PCNX1: variants seen among roughly 807,000 people sequenced by gnomAD.
PCNX1 encodes the protein pecanex 1, also known as pecanex-like protein 1.
PCNX1 carries 78 observed loss-of-function variants against 242.2 expected under a neutral mutation model. That is an observed-to-expected ratio of 0.32 (90% CI 0.27 to 0.39). The LOEUF is 0.39. Among genes scored for constraint, PCNX1 ranks in the 10% least tolerant of loss-of-function variants. The pLI is 1.00. For missense variants in PCNX1, 2,581 were observed against 2,856.5 expected (o/e 0.90, Z 2.20); for synonymous variants, 1,024 against 1,032.9 (o/e 0.99, Z 0.17).
At chr14:71,095,860 G>A (rs1429173614) in intron 30 of PCNX1, among the ~76,000 whole-genome samples, 1 of 152,064 alleles carries the variant, frequency 6.6e-6, no homozygotes, top group African/African-American at 2.4e-5. Flanking sequence ...ATAATTTCCA[G>A]CTTTTTGTTC....
intron 32 of PCNX1, 140 bp from the exon 33 acceptor site, chr14:71,105,095 C>A: frequency 3.1e-6 from 2 of 648,806 alleles, no homozygotes; most frequent in Non-Finnish European, 5.4e-6. Flanking sequence ...TTTTTTTGTT[C>A]CTAATATTGA....
intron 1 of PCNX1, among the ~76,000 whole-genome samples, chr14:70,940,857 C>T (rs2057211027): frequency 1.3e-5 from 2 of 152,168 alleles, no homozygotes; most frequent in African/African-American, 4.8e-5. Context: ...AACTTCTCTT[C>T]TCACTTCATT....
chr14:71,091,453 G>A (rs547025338), intron 30 of PCNX1, among the ~76,000 whole-genome samples: 1 of 152,288 alleles, frequency 6.6e-6, no homozygotes, highest in East Asian at 1.9e-4. Flanking sequence ...AACAACACAG[G>A]TTTGAACTGC....
At chr14:70,999,813 C>A (rs1161194535) in intron 8 of PCNX1, among the ~76,000 whole-genome samples, 1 of 152,052 alleles carries the variant, frequency 6.6e-6, no homozygotes, top group Non-Finnish European at 1.5e-5. Context: ...CTCAGGTGAT[C>A]AACAGTACTT....
intron 2 of PCNX1, among the ~76,000 whole-genome samples, chr14:70,953,887 C>G (rs1303704452): frequency 6.6e-6 from 1 of 151,938 alleles, no homozygotes; most frequent in East Asian, 1.9e-4. Context: ...AGGCTGGTCT[C>G]AAACTCCTGA....
Position 71,047,968 on chromosome 14 carries a change from C to T in PCNX1, c.4322C>T (p.Ser1441Phe). 6.2e-7 allele frequency: 1 copy of T among 1,610,554 alleles called. No individual in the cohort carries two copies. The highest frequency in any genetic ancestry group is 8.5e-7 in the Non-Finnish European group (1 of 1,177,768). ...ETMLLDLFFM[S>F]ILFNKLWELL... ...ATGCTGTTGGATCTCTTCTTTATGT[C>T]CATACTCTTCAACAAGGTAATTTAT... The change falls in exon 22 of 36, where the codon TCC becomes TTC. Residue 1441 changes from serine to phenylalanine, a missense_variant. By Grantham distance (155) the Ser-to-Phe change is radical. Around this residue, in one of 9 missense-constraint regions of PCNX1, gnomAD observed 432 missense variants for 443.1 expected, o/e 0.97. Coordinates refer to ENST00000304743, the MANE Select transcript of PCNX1 (RefSeq NM_014982.3).
Position 71,113,319 on chromosome 14 carries a change from C to G in PCNX1, c.*3384C>G, listed in dbSNP as rs1485867180. On this transcript the variant is annotated 3_prime_UTR_variant, in exon 36 of 36. Coordinates refer to ENST00000304743, the MANE Select transcript of PCNX1 (RefSeq NM_014982.3). ...TTATAATTCTTAAAACAGAAGTAGT[C>G]AGACAATATTTGTATCCTAAGTGAG... The G allele has an allele frequency of 6.6e-6, 1 of 152,524 alleles. No individual in the cohort carries two copies. Among genetic ancestry groups the G allele is most frequent in the African/African-American group, 2.4e-5 (1 of 41,434 alleles). The allele number at this position is 152,524 out of a possible 1,614,324, so 9.4% of individuals were successfully genotyped here.
At chr14:71,051,842 G>A (rs2061045272) in intron 23 of PCNX1, 41 bp from the exon 24 acceptor site, 3 of 1,599,974 alleles carry the variant, frequency 1.9e-6, no homozygotes, top group Non-Finnish European at 2.6e-6. Context: ...TGGCATCTGT[G>A]CTCAGATGAA....
intron 5 of PCNX1, among the ~76,000 whole-genome samples, 173 bp from the exon 6 acceptor site, chr14:70,976,769 G>A (rs1008081429): frequency 1.3e-5 from 2 of 152,178 alleles, no homozygotes; most frequent in African/African-American, 4.8e-5. Flanking sequence ...TTCATTTCGT[G>A]AGTAGAATGC....
chr14:70,953,664 CTTTT>C (rs33967128), intron 2 of PCNX1, among the ~76,000 whole-genome samples: 7 of 114,914 alleles, frequency 6.1e-5, no homozygotes, highest in Admixed American at 1.8e-4. Context: ...TTTTTTCTTT[CTTTT>C]TTTTTTTTTT....
At position 71,009,721 on chromosome 14, in the gene PCNX1, T is replaced by C; in HGVS notation, c.2717T>C (p.Ile906Thr). 6.3e-7 allele frequency: 1 copy of C among 1,578,802 alleles called. No homozygotes were observed. Among genetic ancestry groups the C allele is most frequent in the Non-Finnish European group, 8.7e-7 (1 of 1,150,648 alleles). ...CCAGCAGCAAGAAGAGCATCCAATA[T>C]CTGGTATGTGTGAAGTCATATTAGG... ...FEPAARRASN[I>T]CDTDSHVSSS... is the part of the protein sequence containing the mutation. The change falls in exon 9 of 36, where the codon ATC becomes ACC. Residue 906 changes from isoleucine (I) to threonine (T), a missense_variant. Around this residue, in one of 9 missense-constraint regions of PCNX1, gnomAD observed 1,204 missense variants for 1,216.7 expected, o/e 0.99. Coordinates refer to ENST00000304743, the MANE Select transcript of PCNX1 (RefSeq NM_014982.3).
rs1326794162 is a variant in PCNX1 at position 71,036,130 on chromosome 14, T to C, written c.3840T>C (p.His1280=). 2.2e-5 allele frequency: 35 copies of C among 1,604,616 alleles called. No individual in the cohort carries two copies. The highest frequency in any genetic ancestry group is 2.6e-5 in the Non-Finnish European group (30 of 1,171,266). Residue 1280 remains histidine, a synonymous_variant, in exon 19 of 36, where the codon CAT becomes CAC. Transcript: ENST00000304743. ...IVIGVLYFAI[H]VSTVFTVLQP... is the part of the protein sequence containing the mutation. ...TTGGTGTGCTGTATTTTGCTATTCA[T>C]GTAAGCACAGTCTTCACAGTATTGC... is the stretch of plus-strand genomic sequence containing the variant.
At chr14:71,073,434 C>T in intron 26 of PCNX1, 111 bp from the exon 27 acceptor site, 2 of 1,041,146 alleles carry the variant, frequency 1.9e-6, no homozygotes, top group Non-Finnish European at 2.8e-6. Flanking sequence ...CCATCACATA[C>T]TTTCAATTGC....
At chr14:71,068,608 G>A (rs1383840777) in intron 26 of PCNX1, among the ~76,000 whole-genome samples, 1 of 144,594 alleles carries the variant, frequency 6.9e-6, no homozygotes, top group East Asian at 2.0e-4. Flanking sequence ...GTGTGTGTGT[G>A]TGTGTGTGTG....
chr14:71,108,594 C>A lies in PCNX1; in HGVS notation c.6302-10C>A. The A allele has an allele frequency of 1.3e-6, 2 of 1,589,482 alleles. No homozygotes were observed. The highest frequency in any genetic ancestry group is 1.7e-6 in the Non-Finnish European group (2 of 1,163,700). ...CTACTTTGAGTGAGTGCTGCTGTTT[C>A]TCCTCCTAGGCACTAGCCACAGCTC... On this transcript the variant is annotated splice_polypyrimidine_tract_variant and intron_variant, in intron 33 of 35. Coordinates refer to ENST00000304743, the MANE Select transcript of PCNX1 (RefSeq NM_014982.3).
At chr14:70,941,012 G>C (rs2057218626) in intron 1 of PCNX1, among the ~76,000 whole-genome samples, 1 of 152,086 alleles carries the variant, frequency 6.6e-6, no homozygotes, top group Non-Finnish European at 1.5e-5. Context: ...GTTTATTCTA[G>C]TTAGCCATTT....
intron 30 of PCNX1, among the ~76,000 whole-genome samples, chr14:71,089,866 T>C (rs991165761): frequency 6.6e-6 from 1 of 152,210 alleles, no homozygotes; most frequent in South Asian, 2.1e-4. Flanking sequence ...ACAAGATATA[T>C]TAAATCTTTA....
chr14:71,103,722 T>C, intron 32 of PCNX1, 53 bp downstream of exon 32: 1 of 1,559,338 alleles, frequency 6.4e-7, no homozygotes, highest in Non-Finnish European at 8.8e-7. Flanking sequence ...ACCCTCTTAA[T>C]CTAGGCAGTG....
At chr14:71,035,929 C>CTTTTTT in intron 18 of PCNX1, 136 bp from the exon 19 acceptor site, 3 of 477,360 alleles carry the variant, frequency 6.3e-6, no homozygotes, top group Non-Finnish European at 1.1e-5. Flanking sequence ...ATGAAAACTT[C>CTTTTTT]TTTTTTTTTT....
Sources: gnomAD v4.1 joint callset for allele counts (sites outside exome capture counted in the v4.1 genomes callset) on GRCh38, gnomAD v4.1.1 for gene constraint, gnomAD v4.1.1 regional missense constraint, MANE v1.5 for transcripts, NCBI Gene and HGNC (gene_info 2026-07-23, HGNC 2026-07-21) for gene names.